HMGCLL1: variants seen among roughly 807,000 people sequenced by gnomAD.
HMGCLL1 encodes 3-hydroxymethyl-3-methylglutaryl-CoA lyase, cytoplasmic.
Under a neutral mutation model 39.1 loss-of-function variants are expected in HMGCLL1, and 36 were observed. The observed-to-expected ratio is 0.92, with a 90% CI of 0.71 to 1.22. The LOEUF is 1.22. HMGCLL1 is among the 50% of genes most tolerant of loss of function. The pLI is 0.00. For missense variants in HMGCLL1, 451 were observed against 416.5 expected (o/e 1.08, Z -0.72); for synonymous variants, 149 against 144.0 (o/e 1.03, Z -0.25).
intron 6 of HMGCLL1, among the ~76,000 whole-genome samples, 156 bp downstream of exon 6, chr6:55,499,080 G>A (rs1287474536): frequency 6.6e-6 from 1 of 152,034 alleles, no homozygotes; most frequent in Non-Finnish European, 1.5e-5. Context: ...CTGTTAAAAT[G>A]AAACTATTAG....
chr6:55,546,172 T>C (rs1769961918), intron 1 of HMGCLL1, among the ~76,000 whole-genome samples: 1 of 152,178 alleles, frequency 6.6e-6, no homozygotes, highest in Admixed American at 6.6e-5. Context: ...CTCAATACTA[T>C]TATTAACTCC....
the HMGCLL1 span, among the ~76,000 whole-genome samples, chr6:55,595,022 G>A: frequency 1.0e-3 from 155 of 151,832 alleles, no homozygotes; most frequent in African/African-American, 3.2e-3. Flanking sequence ...TTATTTTTCC[G>A]TACAATATTT....
chr6:55,513,556 A>T (rs1339506183), intron 5 of HMGCLL1: 4 of 154,106 alleles, frequency 2.6e-5, no homozygotes, highest in African/African-American at 7.2e-5. Flanking sequence ...TCAGCCATTG[A>T]GGGGGAGAAA....
chr6:55,499,135 G>T, intron 6 of HMGCLL1, 101 bp downstream of exon 6: 1 of 876,076 alleles, frequency 1.1e-6, no homozygotes, highest in Non-Finnish European at 1.8e-6. Context: ...TTAATCCATG[G>T]CTTCATGCTA....
chr6:55,504,343 C>A (rs1178175453), intron 5 of HMGCLL1, among the ~76,000 whole-genome samples: 1 of 151,634 alleles, frequency 6.6e-6, no homozygotes, highest in Non-Finnish European at 1.5e-5. Context: ...TAAATCACCC[C>A]AGATATTAGA....
intron 3 of HMGCLL1, among the ~76,000 whole-genome samples, chr6:55,541,248 A>G (rs1769416943): frequency 6.6e-6 from 1 of 152,136 alleles, no homozygotes; most frequent in Non-Finnish European, 1.5e-5. Context: ...TTTATCTTCA[A>G]TGATATATTT....
chr6:55,620,960 A>G, the HMGCLL1 span, among the ~76,000 whole-genome samples: 1 of 151,912 alleles, frequency 6.6e-6, no homozygotes, highest in East Asian at 1.9e-4. Flanking sequence ...TCTGTGTTCC[A>G]TGTGCTTTTC....
At chr6:55,453,673 A>G (rs1160006235) in intron 7 of HMGCLL1, among the ~76,000 whole-genome samples, 1 of 152,234 alleles carries the variant, frequency 6.6e-6, no homozygotes, top group Non-Finnish European at 1.5e-5. Context: ...TGAGATGGAT[A>G]GAGGCTGAGA....
At chr6:55,661,487 G>A in the HMGCLL1 span, among the ~76,000 whole-genome samples, 870 of 151,994 alleles carry the variant, frequency 5.7e-3, 10 homozygotes, top group African/African-American at 0.02. Context: ...CCCAGTGCTT[G>A]TTTCTGTCAG....
intron 1 of HMGCLL1, among the ~76,000 whole-genome samples, chr6:55,574,958 T>C (rs1331764390): frequency 6.6e-6 from 1 of 151,948 alleles, no homozygotes; most frequent in Non-Finnish European, 1.5e-5. Context: ...ATATAATAGG[T>C]TTGAAACATT....
chr6:55,666,554 T>C, the HMGCLL1 span, among the ~76,000 whole-genome samples: 1 of 151,744 alleles, frequency 6.6e-6, no homozygotes, highest in Non-Finnish European at 1.5e-5. Context: ...TTTTATTTTT[T>C]TATTATGAGA....
chr6:55,525,300 G>A (rs556670150), intron 3 of HMGCLL1, among the ~76,000 whole-genome samples: 1 of 151,876 alleles, frequency 6.6e-6, no homozygotes. Flanking sequence ...CAGAGTTAGG[G>A]TATAAGATAT....
the HMGCLL1 span, among the ~76,000 whole-genome samples, chr6:55,586,598 T>C: frequency 6.9e-6 from 1 of 145,364 alleles, no homozygotes; most frequent in Admixed American, 6.9e-5. Context: ...CCTGTGTCCA[T>C]GTGTTCTCCT....
intron 7 of HMGCLL1, among the ~76,000 whole-genome samples, chr6:55,446,311 A>G (rs1416671572): frequency 6.7e-6 from 1 of 148,328 alleles, no homozygotes; most frequent in East Asian, 1.9e-4. Flanking sequence ...TACATAATAT[A>G]TAAATATATT....
chr6:55,507,309 G>A (rs924562083), intron 5 of HMGCLL1, among the ~76,000 whole-genome samples: 1 of 151,668 alleles, frequency 6.6e-6, no homozygotes, highest in African/African-American at 2.4e-5. Context: ...ACAGTTTCAG[G>A]CATCCACTGG....
At chr6:55,593,827 G>T in the HMGCLL1 span, among the ~76,000 whole-genome samples, 4 of 151,988 alleles carry the variant, frequency 2.6e-5, no homozygotes, top group African/African-American at 9.7e-5. Context: ...AATCACTTAG[G>T]TTGGTATTTT....
chr6:55,441,087 G>A (rs1050604815), intron 7 of HMGCLL1, among the ~76,000 whole-genome samples: 1 of 91,806 alleles, frequency 1.1e-5, no homozygotes. Flanking sequence ...ATGCAGGAGA[G>A]AGAGACTGTG....
the HMGCLL1 span, among the ~76,000 whole-genome samples, chr6:55,610,349 T>C: frequency 6.6e-6 from 1 of 151,898 alleles, no homozygotes; most frequent in Non-Finnish European, 1.5e-5. Flanking sequence ...AATGACCTGA[T>C]GGAGGTGAAA....
the HMGCLL1 span, among the ~76,000 whole-genome samples, chr6:55,667,994 T>C: frequency 6.6e-6 from 1 of 151,810 alleles, no homozygotes; most frequent in Non-Finnish European, 1.5e-5. Context: ...GCTTGGGGAA[T>C]TTTCCTCCAT....
Sources: gnomAD v4.1 joint callset for allele counts (sites outside exome capture counted in the v4.1 genomes callset) on GRCh38, gnomAD v4.1.1 for gene constraint, MANE v1.5 for transcripts, NCBI Gene and HGNC (gene_info 2026-07-23, HGNC 2026-07-21) for gene names.